The following PRKDC variants were observed in gnomAD, a reference collection of about 807,000 sequenced individuals.
The protein encoded by PRKDC is protein kinase, DNA-activated, catalytic subunit.
PRKDC carries 82 observed loss-of-function variants against 486.9 expected under a neutral mutation model. That is an observed-to-expected ratio of 0.17 (90% CI 0.14 to 0.20). The LOEUF (loss-of-function observed/expected upper bound fraction) is 0.20. Among genes scored for constraint, PRKDC ranks in the 10% least tolerant of loss-of-function variants. PRKDC has a pLI of 1.00. For synonymous variants in PRKDC, 1,895 were observed against 1,837.0 expected (o/e 1.03, Z -0.81); for missense variants, 4,504 against 5,038.2 (o/e 0.89, Z 3.21).
intron 16 of PRKDC, among the ~76,000 whole-genome samples, chr8:47,932,247 C>A (rs934507395): frequency 2.0e-5 from 3 of 152,164 alleles, no homozygotes; most frequent in Non-Finnish European, 4.4e-5. Flanking sequence ...CCATGCCTGG[C>A]TAATTTTTTG....
At chr8:47,928,845 C>A (rs1319150548) in intron 19 of PRKDC, among the ~76,000 whole-genome samples, 1 of 152,128 alleles carries the variant, frequency 6.6e-6, no homozygotes, top group Non-Finnish European at 1.5e-5. Context: ...GCGTGCACCA[C>A]CACGCCTGGC....
chr8:47,812,289 GA>G (rs1485586200), intron 68 of PRKDC, among the ~76,000 whole-genome samples: 2 of 152,120 alleles, frequency 1.3e-5, no homozygotes, highest in African/African-American at 4.8e-5. Context: ...TGATCTCATT[GA>G]AATTTATAAA....
At chr8:47,839,284 C>T in intron 55 of PRKDC, 38 bp from the exon 56 acceptor site, 1 of 1,431,024 alleles carries the variant, frequency 7.0e-7, no homozygotes, top group Non-Finnish European at 9.8e-7. Flanking sequence ...AACATTAATG[C>T]TCTCTTCTGG....
At chr8:47,876,069 G>A (rs2089085872) in intron 40 of PRKDC, among the ~76,000 whole-genome samples, 1 of 152,232 alleles carries the variant, frequency 6.6e-6, no homozygotes, top group South Asian at 2.1e-4. Context: ...TATAAAGACA[G>A]AAAGTAGATT....
chr8:47,856,504 A>G (rs569957505), intron 49 of PRKDC, among the ~76,000 whole-genome samples: 1 of 152,316 alleles, frequency 6.6e-6, no homozygotes, highest in South Asian at 2.1e-4. Flanking sequence ...TGCTGGGATT[A>G]CAGGTGTGAG....
At chr8:47,949,847 A>C (rs1036949008) in intron 7 of PRKDC, among the ~76,000 whole-genome samples, 3 of 152,228 alleles carry the variant, frequency 2.0e-5, no homozygotes, top group Non-Finnish European at 2.9e-5. Context: ...GGGTAGAAAC[A>C]TTAGCTTAAA....
Position 47,929,131 on chromosome 8 carries a change from C to T in PRKDC, c.2100G>A (p.Lys700=). Residue 700 remains lysine (K), a synonymous_variant, in exon 19 of 86, where the codon AAG becomes AAA. Transcript: ENST00000314191. ...SLKHSPEDPE[K]YSCFALFVKF... ...TCACAAATAAAGCAAAGCAAGAATA[C>T]TTTTCTGGGTCTTCAGGAGAGTGTT... is the stretch of plus-strand genomic sequence containing the variant. 1 of 1,578,398 alleles carries T rather than the reference C, an allele frequency of 6.3e-7. No homozygotes were observed. The highest frequency in any genetic ancestry group is 8.6e-7 in the Non-Finnish European group (1 of 1,160,240).
intron 54 of PRKDC, among the ~76,000 whole-genome samples, chr8:47,840,887 T>A (rs1296976669): frequency 6.6e-6 from 1 of 152,136 alleles, no homozygotes; most frequent in Non-Finnish European, 1.5e-5. Context: ...GATGGCTGAA[T>A]AGACATAGCC....
intron 27 of PRKDC, among the ~76,000 whole-genome samples, chr8:47,900,841 T>C (rs1355916295): frequency 7.1e-6 from 1 of 140,970 alleles, no homozygotes. Flanking sequence ...AGAGCAAGAC[T>C]CCAGCTCAAA....
At chr8:47,947,347 GAACCC>G (rs2090551299) in intron 7 of PRKDC, among the ~76,000 whole-genome samples, 2 of 152,286 alleles carry the variant, frequency 1.3e-5, no homozygotes, top group East Asian at 3.9e-4. Context: ...GGGCACTGCT[GAACCC>G]CAAAATCAGC....
At chr8:47,830,269 T>A (rs1033841881) in intron 61 of PRKDC, among the ~76,000 whole-genome samples, 13 of 152,258 alleles carry the variant, frequency 8.5e-5, no homozygotes, top group African/African-American at 2.9e-4. Context: ...TTTCCATGTC[T>A]ACAATCCACT....
Position 47,953,604 on chromosome 8 carries a change from T to C in PRKDC, c.721+16A>G. On this transcript the variant is annotated intron_variant, in intron 7 of 85. Coordinates refer to ENST00000314191, the MANE Select transcript of PRKDC (RefSeq NM_006904.7). The stretch of plus-strand genomic sequence containing the variant: ...CAGTTTTTGAATAAAGAAAATCAAG[T>C]GAAGCCAAGCAATACCTTCTTCCAT... 1 of 1,600,956 alleles carries C rather than the reference T, an allele frequency of 6.2e-7. No homozygotes were observed. Among genetic ancestry groups the C allele is most frequent in the Non-Finnish European group, 8.5e-7 (1 of 1,171,342 alleles).
At chr8:47,775,845 CAG>C (rs1443524115) in intron 85 of PRKDC, among the ~76,000 whole-genome samples, 3 of 145,436 alleles carry the variant, frequency 2.1e-5, no homozygotes, top group Non-Finnish European at 4.5e-5. Context: ...TTTTCTGAGG[CAG>C]AGTCTCACTT....
intron 67 of PRKDC, 85 bp downstream of exon 67, chr8:47,819,317 C>A: frequency 1.2e-6 from 1 of 826,154 alleles, no homozygotes. Flanking sequence ...AAGAAACATG[C>A]ACTTTCACTA....
intron 20 of PRKDC, 58 bp downstream of exon 20, chr8:47,927,713 T>C (rs2090176756): frequency 5.6e-6 from 8 of 1,429,818 alleles, no homozygotes; most frequent in Non-Finnish European, 6.4e-6. Context: ...GGTGTTTCTA[T>C]GTGCTCTGGG....
At chr8:47,849,050 G>T in intron 54 of PRKDC, 104 bp downstream of exon 54, 1 of 1,386,678 alleles carries the variant, frequency 7.2e-7, no homozygotes, top group Non-Finnish European at 9.8e-7. Flanking sequence ...TCACAAATGT[G>T]TATATCATGG....
At chr8:47,911,679 T>C (rs1363605307) in intron 25 of PRKDC, among the ~76,000 whole-genome samples, 1 of 152,234 alleles carries the variant, frequency 6.6e-6, no homozygotes, top group Non-Finnish European at 1.5e-5. Context: ...AGAAGATTTC[T>C]TACCTTTTTC....
chr8:47,870,720 C>A (rs1439000799), intron 40 of PRKDC, among the ~76,000 whole-genome samples: 2 of 152,156 alleles, frequency 1.3e-5, no homozygotes, highest in Non-Finnish European at 2.9e-5. Context: ...CATGACTTCA[C>A]CAAATCAACT....
rs1589700352 is a variant in PRKDC, at chr8:47,794,513, A to G, written c.10459-12T>C. ...GGAACGGAAGAGATCTAAAACAGAG[A>G]GCTGAAACTTAATGCTGAGTAAAAC... On this transcript the variant is annotated splice_polypyrimidine_tract_variant and intron_variant, in intron 73 of 85. Coordinates refer to ENST00000314191, the MANE Select transcript of PRKDC (RefSeq NM_006904.7). 1 of 1,570,900 alleles carries G rather than the reference A, an allele frequency of 6.4e-7. No individual in the cohort carries two copies. The highest frequency in any genetic ancestry group is 8.7e-7 in the Non-Finnish European group (1 of 1,144,310).
Sources: gnomAD v4.1 joint callset for allele counts (sites outside exome capture counted in the v4.1 genomes callset) on GRCh38, gnomAD v4.1.1 for gene constraint, MANE v1.5 for transcripts, NCBI Gene and HGNC (gene_info 2026-07-23, HGNC 2026-07-21) for gene names.